PIK3C2G: variants seen among roughly 807,000 people sequenced by gnomAD.
PIK3C2G encodes the protein phosphatidylinositol-4-phosphate 3-kinase catalytic subunit type 2 gamma, also known as phosphatidylinositol 3-kinase C2 domain-containing subunit gamma.
PIK3C2G carries 168 observed loss-of-function variants against 181.1 expected under a neutral mutation model. The observed-to-expected ratio is 0.93, with a 90% CI of 0.82 to 1.05. The LOEUF is 1.05. PIK3C2G is among the 50% of genes least tolerant of loss of function. PIK3C2G has a pLI of 0.00. For synonymous variants in PIK3C2G, 573 were observed against 592.2 expected, an observed-to-expected ratio of 0.97 and a Z score of 0.47; for missense variants, 1,869 against 1,732.8, an observed-to-expected ratio of 1.08 and a Z score of -1.40.
the PIK3C2G span, among the ~76,000 whole-genome samples, chr12:18,664,627 G>T: frequency 0.52 from 78,244 of 151,726 alleles, 21,283 homozygotes; most frequent in South Asian, 0.66. Flanking sequence ...GAACTAGAAA[G>T]ACCATTTGAC....
At chr12:18,293,019 A>G (rs1320345870) in intron 4 of PIK3C2G, among the ~76,000 whole-genome samples, 1 of 152,200 alleles carries the variant, frequency 6.6e-6, no homozygotes, top group African/African-American at 2.4e-5. Flanking sequence ...TTGGGATATA[A>G]TACCTATATA....
At chr12:18,601,562 A>G (rs1947715776) in intron 30 of PIK3C2G, among the ~76,000 whole-genome samples, 1 of 152,128 alleles carries the variant, frequency 6.6e-6, no homozygotes, top group South Asian at 2.1e-4. Flanking sequence ...TATACTACGT[A>G]GGATGTAGGA....
At chr12:18,408,242 A>C (rs748897589) in intron 16 of PIK3C2G, among the ~76,000 whole-genome samples, 5 of 152,178 alleles carry the variant, frequency 3.3e-5, no homozygotes, top group Non-Finnish European at 7.3e-5. Flanking sequence ...ATTTTTGTAT[A>C]AGGTGTAAAG....
chr12:18,603,060 G>T (rs773771111), intron 30 of PIK3C2G, among the ~76,000 whole-genome samples: 22 of 152,218 alleles, frequency 1.4e-4, no homozygotes, highest in Non-Finnish European at 3.2e-4. Flanking sequence ...CAAGAGGTTA[G>T]TTATTAAGCT....
the PIK3C2G span, chr12:18,701,822 T>C: frequency 1.3e-6 from 2 of 1,560,376 alleles, no homozygotes; most frequent in Non-Finnish European, 1.7e-6. Flanking sequence ...TACAAGTAAA[T>C]TTGCATTGTA....
intron 29 of PIK3C2G, among the ~76,000 whole-genome samples, chr12:18,581,510 G>A (rs1946498031): frequency 6.6e-6 from 1 of 152,172 alleles, no homozygotes; most frequent in African/African-American, 2.4e-5. Flanking sequence ...AACTCTTAGT[G>A]CACAAGCACT....
At chr12:18,299,379 G>A (rs1950080395) in intron 5 of PIK3C2G, among the ~76,000 whole-genome samples, 1 of 151,762 alleles carries the variant, frequency 6.6e-6, no homozygotes, top group Admixed American at 6.6e-5. Context: ...ATTAATTTTT[G>A]TGTGTTGATT....
intron 24 of PIK3C2G, among the ~76,000 whole-genome samples, chr12:18,523,064 T>G (rs1264582593): frequency 6.6e-6 from 1 of 152,198 alleles, no homozygotes; most frequent in East Asian, 1.9e-4. Flanking sequence ...GTTATTGTAT[T>G]CTTTATCTCT....
intron 19 of PIK3C2G, among the ~76,000 whole-genome samples, chr12:18,489,766 C>T (rs1334816968): frequency 7.2e-5 from 11 of 152,064 alleles, no homozygotes; most frequent in Non-Finnish European, 2.9e-5. Context: ...TTAAAATTTA[C>T]AGAAGTTTGT....
intron 18 of PIK3C2G, among the ~76,000 whole-genome samples, chr12:18,464,933 C>G (rs576793212): frequency 6.6e-6 from 1 of 151,962 alleles, no homozygotes; most frequent in African/African-American, 2.4e-5. Flanking sequence ...CCTTCATTTT[C>G]TGTTTCTTTA....
chr12:18,615,088 C>T (rs1948532227), intron 31 of PIK3C2G, among the ~76,000 whole-genome samples: 1 of 151,856 alleles, frequency 6.6e-6, no homozygotes, highest in Non-Finnish European at 1.5e-5. Flanking sequence ...GTACACTGTA[C>T]CCAATGTGTA....
chr12:18,367,821 T>C (rs757964015), intron 12 of PIK3C2G, among the ~76,000 whole-genome samples: 3 of 152,112 alleles, frequency 2.0e-5, no homozygotes, highest in Non-Finnish European at 4.4e-5. Flanking sequence ...GTGGGAGTGC[T>C]GGGATTACAG....
intron 18 of PIK3C2G, among the ~76,000 whole-genome samples, chr12:18,482,669 C>T (rs3201563): frequency 6.6e-6 from 1 of 152,090 alleles, no homozygotes; most frequent in East Asian, 1.9e-4. Flanking sequence ...TCACAGAAGC[C>T]TAGGGAAAAT....
chr12:18,512,235 A>C (rs1467350486), intron 24 of PIK3C2G, among the ~76,000 whole-genome samples: 1 of 151,942 alleles, frequency 6.6e-6, no homozygotes, highest in Non-Finnish European at 1.5e-5. Context: ...TATGTCTTGA[A>C]GTTGGGTAGT....
chr12:18,695,154 A>T, the PIK3C2G span: 2 of 1,387,336 alleles, frequency 1.4e-6, no homozygotes, highest in South Asian at 2.3e-5. Context: ...ACTTACTGAA[A>T]TCTAATAATG....
chr12:18,695,561 G>A, the PIK3C2G span, among the ~76,000 whole-genome samples: 1 of 152,052 alleles, frequency 6.6e-6, no homozygotes, highest in Admixed American at 6.6e-5. Context: ...AATAGCCACT[G>A]TAGAGAGTAC....
At chr12:18,494,980 T>A (rs1302994390) in intron 20 of PIK3C2G, among the ~76,000 whole-genome samples, 1 of 152,026 alleles carries the variant, frequency 6.6e-6, no homozygotes, top group Non-Finnish European at 1.5e-5. Flanking sequence ...GTAGAAAATA[T>A]CTATTTTCCA....
intron 9 of PIK3C2G, among the ~76,000 whole-genome samples, chr12:18,341,212 G>A (rs1939109593): frequency 2.0e-5 from 3 of 151,994 alleles, no homozygotes; most frequent in African/African-American, 7.3e-5. Context: ...CTCCTTAAGA[G>A]AATAAAAATG....
the PIK3C2G span, among the ~76,000 whole-genome samples, chr12:18,715,294 GAGAA>G: frequency 6.6e-6 from 1 of 151,392 alleles, no homozygotes; most frequent in Non-Finnish European, 1.5e-5. Context: ...AGGCTTTAGA[GAGAA>G]AGAGAATTGG....
Sources: gnomAD v4.1 joint callset for allele counts (sites outside exome capture counted in the v4.1 genomes callset) on GRCh38, gnomAD v4.1.1 for gene constraint, MANE v1.5 for transcripts, NCBI Gene and HGNC (gene_info 2026-07-23, HGNC 2026-07-21) for gene names.